MUSK: variants seen among roughly 807,000 people sequenced by gnomAD.
MUSK encodes the protein muscle, skeletal receptor tyrosine-protein kinase.
A neutral mutation model predicts 88.7 loss-of-function variants in MUSK; 55 were observed. The observed-to-expected ratio is 0.62, with a 90% confidence interval of 0.50 to 0.78. The LOEUF is 0.78. Among genes scored for constraint, MUSK ranks in the 30% least tolerant of loss-of-function variants. The probability of loss-of-function intolerance (pLI) is 0.00; values close to 1 mark genes in which losing one functional copy is unlikely to be tolerated. For synonymous variants in MUSK, 387 were observed against 391.9 expected (o/e 0.99, Z 0.15); for missense variants, 1,015 against 1,074.3 (o/e 0.94, Z 0.77).
chr9:110,705,536 T>G (rs1170158325), intron 5 of MUSK, among the ~76,000 whole-genome samples: 1 of 152,144 alleles, frequency 6.6e-6, no homozygotes, highest in Non-Finnish European at 1.5e-5. Context: ...AATCTGAAAT[T>G]TATGATTTTA....
intron 13 of MUSK, among the ~76,000 whole-genome samples, chr9:110,786,932 G>A (rs148661115): frequency 1.5e-3 from 230 of 152,222 alleles, no homozygotes; most frequent in African/African-American, 5.3e-3. Flanking sequence ...GAGGTTACAT[G>A]AATAGTGAAA....
intron 2 of MUSK, among the ~76,000 whole-genome samples, chr9:110,684,515 A>G (rs1364728076): frequency 2.0e-5 from 3 of 151,524 alleles, no homozygotes; most frequent in East Asian, 3.9e-4. Flanking sequence ...TTCTGTGAAG[A>G]ATGTCATCGG....
At chr9:110,671,473 C>T (rs1486978138) in intron 1 of MUSK, among the ~76,000 whole-genome samples, 2 of 152,132 alleles carry the variant, frequency 1.3e-5, no homozygotes, top group East Asian at 3.8e-4. Flanking sequence ...TTTAAAATAA[C>T]ACAAAAGTAT....
intron 5 of MUSK, among the ~76,000 whole-genome samples, chr9:110,703,778 A>G (rs1404954077): frequency 2.0e-5 from 3 of 152,196 alleles, no homozygotes; most frequent in Non-Finnish European, 4.4e-5. Context: ...GATACATTAC[A>G]GAAAGAGAAA....
At chr9:110,764,933 T>G (rs1409364587) in intron 8 of MUSK, among the ~76,000 whole-genome samples, 2 of 152,190 alleles carry the variant, frequency 1.3e-5, no homozygotes, top group Non-Finnish European at 2.9e-5. Context: ...TTTTGCATTA[T>G]ATACTTAATG....
At chr9:110,745,944 C>T (rs115342488) in intron 6 of MUSK, among the ~76,000 whole-genome samples, 6,114 of 152,264 alleles carry the variant, frequency 0.04, 458 homozygotes, top group African/African-American at 0.14. Context: ...CACCTGGCAG[C>T]TAGGAAGAAA....
intron 5 of MUSK, among the ~76,000 whole-genome samples, chr9:110,711,514 G>A (rs1191678784): frequency 6.6e-6 from 1 of 152,150 alleles, no homozygotes; most frequent in African/African-American, 2.4e-5. Context: ...ATTTGAAGGA[G>A]AAAGGAATTA....
chr9:110,699,451 T>C (rs1263137294), intron 5 of MUSK, among the ~76,000 whole-genome samples: 1 of 152,192 alleles, frequency 6.6e-6, no homozygotes, highest in Non-Finnish European at 1.5e-5. Flanking sequence ...ATAAATGGAA[T>C]CTACTATACT....
At chr9:110,676,637 T>C (rs1587879454) in intron 1 of MUSK, among the ~76,000 whole-genome samples, 1 of 152,036 alleles carries the variant, frequency 6.6e-6, no homozygotes, top group Non-Finnish European at 1.5e-5. Flanking sequence ...CACTTATAAG[T>C]GAAAACGTGG....
chr9:110,733,832 T>C (rs2076994524), intron 5 of MUSK, among the ~76,000 whole-genome samples: 1 of 152,090 alleles, frequency 6.6e-6, no homozygotes, highest in Admixed American at 6.6e-5. Context: ...CAGATAGTTG[T>C]AAGGTCTGTA....
At position 110,805,664 on chromosome 9, in the gene MUSK, C is replaced by T. The variant is rs904905778; in HGVS notation, c.*4676C>T. ...AATCAGAAAAGAATGTTGACTTTTC[C>T]GTCCATTCAGATGATTGTGGCTTTT... On this transcript the variant is annotated 3_prime_UTR_variant, in exon 15 of 15. Transcript: ENST00000374448. Among the ~76,000 whole-genome samples the T allele has an allele frequency of 2.0e-5, 3 of 151,708 alleles. No homozygotes were observed. Among genetic ancestry groups the T allele is most frequent in the Admixed American group, 6.6e-5 (1 of 15,234 alleles).
At chr9:110,743,483 A>T (rs974526290) in intron 6 of MUSK, among the ~76,000 whole-genome samples, 4 of 152,242 alleles carry the variant, frequency 2.6e-5, no homozygotes, top group Middle Eastern at 3.2e-3. Flanking sequence ...TTATACCAGT[A>T]ATATCTCTGT....
intron 5 of MUSK, among the ~76,000 whole-genome samples, chr9:110,726,867 T>A (rs750428302): frequency 3.3e-5 from 5 of 152,082 alleles, no homozygotes; most frequent in Non-Finnish European, 5.9e-5. Context: ...TCAAGTCTAA[T>A]CTGGCCCAGT....
Position 110,805,202 on chromosome 9 carries a change from G to C in MUSK, c.*4214G>C, listed in dbSNP as rs1338957880. Among the ~76,000 whole-genome samples, 1 of 151,804 alleles carries C rather than the reference G, an allele frequency of 6.6e-6. No individual in the cohort carries two copies. Among genetic ancestry groups the C allele is most frequent in the Non-Finnish European group, 1.5e-5 (1 of 67,812 alleles). ...GTGATTTCTTTAGCTATAACTCCTA[G>C]AAGTGAAATTTCTAGATTAAAGGAT... is the stretch of plus-strand genomic sequence containing the variant. On this transcript the variant is annotated 3_prime_UTR_variant, in exon 15 of 15. Transcript: ENST00000374448.
At chr9:110,679,892 GTTGT>G (rs551645802) in intron 1 of MUSK, among the ~76,000 whole-genome samples, 58 of 151,922 alleles carry the variant, frequency 3.8e-4, no homozygotes, top group Non-Finnish European at 7.2e-4. Context: ...TGATCTTATA[GTTGT>G]TTGTCTAGAA....
intron 6 of MUSK, among the ~76,000 whole-genome samples, chr9:110,740,577 C>T (rs558651824): frequency 6.6e-6 from 1 of 152,198 alleles, no homozygotes; most frequent in Non-Finnish European, 1.5e-5. Context: ...AAGGCAAATA[C>T]TCTGGAGCAA....
At chr9:110,742,623 G>A (rs188332868) in intron 6 of MUSK, among the ~76,000 whole-genome samples, 15 of 152,220 alleles carry the variant, frequency 9.9e-5, no homozygotes, top group African/African-American at 2.9e-4. Flanking sequence ...ATTCTCTGTC[G>A]AAGTTTAGGA....
chr9:110,790,238 C>A (rs576791089), intron 14 of MUSK, among the ~76,000 whole-genome samples: 4 of 151,756 alleles, frequency 2.6e-5, no homozygotes, highest in African/African-American at 9.7e-5. Context: ...CTGGTAACCC[C>A]GAGAAGAGAG....
At chr9:110,707,438 A>T (rs2076614067) in intron 5 of MUSK, among the ~76,000 whole-genome samples, 1 of 152,150 alleles carries the variant, frequency 6.6e-6, no homozygotes, top group Non-Finnish European at 1.5e-5. Flanking sequence ...CTCTTACTAC[A>T]TTCTGTGAAT....
Sources: gnomAD v4.1 joint callset for allele counts (sites outside exome capture counted in the v4.1 genomes callset) on GRCh38, gnomAD v4.1.1 for gene constraint, MANE v1.5 for transcripts, NCBI Gene and HGNC (gene_info 2026-07-23, HGNC 2026-07-21) for gene names.